The following EZR variants were observed in gnomAD, a reference collection of about 807,000 sequenced individuals.
The protein encoded by EZR is cytovillin 2.
Under a neutral mutation model 74.8 loss-of-function variants are expected in EZR, and 40 were observed. That is an observed-to-expected ratio of 0.53 (90% CI 0.42 to 0.70). The LOEUF (loss-of-function observed/expected upper bound fraction) is 0.70, where lower values mean the gene tolerates loss of function less well. Ranked by LOEUF, EZR falls within the 30% of genes least tolerant of loss-of-function variation. The pLI, the probability that EZR is intolerant of heterozygous loss-of-function variation, is 0.00. For missense variants in EZR, 678 were observed against 755.8 expected, an observed-to-expected ratio of 0.90 and a Z score of 1.21; for synonymous variants, 341 against 283.3, an observed-to-expected ratio of 1.20 and a Z score of -2.05.
At chr6:158,808,963 C>G (rs1777397627) in intron 2 of EZR, among the ~76,000 whole-genome samples, 2 of 152,228 alleles carry the variant, frequency 1.3e-5, no homozygotes, top group Non-Finnish European at 2.9e-5. Context: ...AACTTCATCT[C>G]TATAGAAATA....
intron 4 of EZR, 143 bp downstream of exon 4, chr6:158,786,965 C>T (rs1418077255): frequency 3.2e-6 from 2 of 628,574 alleles, no homozygotes; most frequent in Non-Finnish European, 5.6e-6. Flanking sequence ...TACTGGAAAC[C>T]TGCAACCTTT....
At chr6:158,771,591 G>C (rs1239291490) in intron 8 of EZR, among the ~76,000 whole-genome samples, 184 bp from the exon 9 acceptor site, 1 of 152,208 alleles carries the variant, frequency 6.6e-6, no homozygotes, top group Admixed American at 6.5e-5. Context: ...CGTGCCGCGT[G>C]TGTGTGCGGT....
chr6:158,815,544 T>A (rs1166659233), intron 2 of EZR, among the ~76,000 whole-genome samples: 1 of 152,224 alleles, frequency 6.6e-6, no homozygotes, highest in Non-Finnish European at 1.5e-5. Flanking sequence ...GGCTTGATCT[T>A]AGTTCACTGC....
At chr6:158,812,924 CCCA>C (rs1177015891) in intron 2 of EZR, among the ~76,000 whole-genome samples, 7 of 152,264 alleles carry the variant, frequency 4.6e-5, no homozygotes, top group Admixed American at 3.9e-4. Flanking sequence ...CACTTCTGTT[CCCA>C]CCACCACCAC....
intron 7 of EZR, among the ~76,000 whole-genome samples, chr6:158,780,352 A>G (rs1282569555): frequency 6.6e-6 from 1 of 152,250 alleles, no homozygotes; most frequent in African/African-American, 2.4e-5. Context: ...TTTTACATCA[A>G]AAGAACAAAA....
At chr6:158,805,337 G>GAAAA (rs56269785) in intron 2 of EZR, among the ~76,000 whole-genome samples, 15 of 116,912 alleles carry the variant, frequency 1.3e-4, no homozygotes, top group African/African-American at 3.8e-4. Flanking sequence ...TCCATCTCAG[G>GAAAA]AAAAAAAAAA....
intron 2 of EZR, among the ~76,000 whole-genome samples, chr6:158,810,765 A>C (rs2128576799): frequency 6.6e-6 from 1 of 152,334 alleles, no homozygotes; most frequent in East Asian, 1.9e-4. Context: ...AGTTTGAAAA[A>C]CATTTGCGGG....
At chr6:158,794,860 T>TAC (rs575512277) in intron 2 of EZR, among the ~76,000 whole-genome samples, 206 of 152,304 alleles carry the variant, frequency 1.4e-3, no homozygotes, top group African/African-American at 4.8e-3. Flanking sequence ...CCTGTACCAC[T>TAC]ACCAAGACAA....
chr6:158,798,749 A>G (rs948915478), intron 2 of EZR, among the ~76,000 whole-genome samples: 3 of 148,854 alleles, frequency 2.0e-5, no homozygotes, highest in Non-Finnish European at 4.4e-5. Context: ...CTCCCACCTT[A>G]GCCTCCTTAG....
rs541203031 is a variant in EZR at position 158,768,690 on chromosome 6, A to T, written c.1344+636T>A. Among the ~76,000 whole-genome samples, 248 of 152,310 alleles carry T rather than the reference A, an allele frequency of 1.6e-3. 1 individual carries two copies. Among genetic ancestry groups the T allele is most frequent in the African/African-American group, 5.7e-3 (237 of 41,562 alleles). On this transcript the variant is annotated intron_variant, in intron 12 of 13. Transcript: ENST00000367075. ...CGACAAGCTCTGTGTGCGTCCCACA[A>T]TGAGAGCTACAGCTGACTAAACCTC... is the stretch of plus-strand genomic sequence containing the variant.
At chr6:158,808,700 G>T (rs533141075) in intron 2 of EZR, among the ~76,000 whole-genome samples, 1 of 152,274 alleles carries the variant, frequency 6.6e-6, no homozygotes, top group African/African-American at 2.4e-5. Flanking sequence ...AGAGGGAGGT[G>T]AAAAAACTTG....
intron 2 of EZR, 157 bp downstream of exon 2, chr6:158,817,925 G>C (rs970391181): frequency 3.5e-6 from 2 of 568,546 alleles, no homozygotes; most frequent in Admixed American, 6.0e-5. Flanking sequence ...GGGTCAACAA[G>C]TAACAAAGAG....
chr6:158,785,373 C>A lies in EZR; in HGVS notation c.403G>T (p.Gly135Trp). The A allele has an allele frequency of 1.5e-5, 25 of 1,614,216 alleles. No homozygotes were observed. Among genetic ancestry groups the A allele is most frequent in the South Asian group, 2.2e-5 (2 of 91,092 alleles). The change falls in exon 5 of 14, where the codon GGG (glycine) becomes TGG (tryptophan). Residue 135 changes from glycine (G) to tryptophan (W), a missense_variant. Gly to Trp is a radical substitution (Grantham distance 184, BLOSUM62 -2). Coordinates refer to ENST00000367075, the MANE Select transcript of EZR (RefSeq NM_001111077.2). ...LGSYAVQAKF[G>W]DYNKEVHKSG... Reference sequence around the variant, plus strand: ...TTGTGCACTTCTTTGTTGTAGTCCCCAAACTTGGCCTGCACAGCGTAGGAC... The same window carrying A: ...TTGTGCACTTCTTTGTTGTAGTCCCAAAACTTGGCCTGCACAGCGTAGGAC...
rs138307523 is a variant in EZR at position 158,795,166 on chromosome 6, C to T, written c.13-5795G>A. On this transcript the variant is annotated intron_variant, in intron 2 of 13. Coordinates refer to ENST00000367075, the MANE Select transcript of EZR (RefSeq NM_001111077.2). ...ACTCAGGAGGCTGAGGAGAGAGAAT[C>T]GCTTGAACCTGGGAGGCGGAGGTTG... Among the ~76,000 whole-genome samples, 217 of 152,220 alleles carry T rather than the reference C, an allele frequency of 1.4e-3. 5 individuals carry two copies. In the East Asian group the frequency reaches 0.034, roughly 24 times the overall value.
At chr6:158,807,255 C>T (rs917777225) in intron 2 of EZR, among the ~76,000 whole-genome samples, 1 of 149,474 alleles carries the variant, frequency 6.7e-6, no homozygotes, top group Non-Finnish European at 1.5e-5. Context: ...GTGGAGCTTG[C>T]GGTGAGTCCA....
chr6:158,776,152 G>A (rs1310536858), intron 8 of EZR, among the ~76,000 whole-genome samples: 1 of 152,180 alleles, frequency 6.6e-6, no homozygotes, highest in Non-Finnish European at 1.5e-5. Context: ...CAAAAACACA[G>A]CATTTTGGGA....
intron 2 of EZR, among the ~76,000 whole-genome samples, chr6:158,801,532 T>C (rs773715558): frequency 1.5e-4 from 23 of 152,230 alleles, no homozygotes; most frequent in Non-Finnish European, 2.6e-4. Context: ...AACATTTCAG[T>C]GCGCCATTTT....
At chr6:158,793,320 G>A (rs1791791027) in intron 2 of EZR, among the ~76,000 whole-genome samples, 1 of 151,982 alleles carries the variant, frequency 6.6e-6, no homozygotes, top group Non-Finnish European at 1.5e-5. Context: ...GGAATCCATT[G>A]GCCCTGTTAA....
intron 7 of EZR, among the ~76,000 whole-genome samples, chr6:158,780,572 G>C (rs1003170812): frequency 6.6e-6 from 1 of 152,116 alleles, no homozygotes; most frequent in African/African-American, 2.4e-5. Flanking sequence ...CAGTCCCCAA[G>C]CTCCCCGTGC....
Sources: gnomAD v4.1 joint callset for allele counts (sites outside exome capture counted in the v4.1 genomes callset) on GRCh38, gnomAD v4.1.1 for gene constraint, MANE v1.5 for transcripts, NCBI Gene and HGNC (gene_info 2026-07-23, HGNC 2026-07-21) for gene names.